Variants in DLG2 observed in about 807,000 individuals in gnomAD.
DLG2 encodes discs large MAGUK scaffold protein 2.
DLG2 carries 45 observed loss-of-function variants against 132.5 expected under a neutral mutation model. The observed-to-expected ratio is 0.34, with a 90% confidence interval of 0.27 to 0.44. DLG2 has a LOEUF of 0.44. DLG2 is among the 20% of genes least tolerant of loss of function. The probability of loss-of-function intolerance (pLI) is 1.00; values close to 1 mark genes in which losing one functional copy is unlikely to be tolerated. For synonymous variants in DLG2, 424 were observed against 419.6 expected (o/e 1.01, Z -0.13); for missense variants, 1,045 against 1,196.9 (o/e 0.87, Z 1.87).
chr11:85,315,726 G>A (rs974078818), intron 3 of DLG2, among the ~76,000 whole-genome samples: 6 of 151,948 alleles, frequency 3.9e-5, no homozygotes, highest in Admixed American at 3.9e-4. Flanking sequence ...CTATTCTATA[G>A]CTGTCCTATT....
intron 18 of DLG2, among the ~76,000 whole-genome samples, chr11:83,657,819 C>T (rs949938518): frequency 6.6e-6 from 1 of 152,174 alleles, no homozygotes; most frequent in Non-Finnish European, 1.5e-5. Context: ...GGATTACAGG[C>T]GTGAGCCACC....
At position 83,520,542 on chromosome 11, in the gene DLG2, CATAG is replaced by C. The variant is rs1298414288; in HGVS notation, c.2193+12162_2193+12165del. The stretch of plus-strand genomic sequence containing the variant: ...AGGTTCATGGTGCTTACTGCGTTGT[CATAG>C]ATAGAAAGATAGCTAACTAGCTAGG... On this transcript the variant is annotated intron_variant, in intron 21 of 27. Transcript: ENST00000376104. Among the ~76,000 whole-genome samples the C allele has an allele frequency of 3.9e-5, 6 of 152,078 alleles. No individual in the cohort carries two copies. In the East Asian group the frequency reaches 1.2e-3, roughly 29 times the overall value.
rs558597260 is a variant in DLG2, at chr11:84,533,905, C to CAAAAAAAAAA, written c.519+655_519+664dup. On this transcript the variant is annotated intron_variant, in intron 7 of 27. Transcript: ENST00000376104. ...CAAAATCCAGTAGCGCCAGTTCAGCCAAAAAAAAAAAAAAAAAAAAAAAAA... is the reference window on the plus strand; with the variant it reads ...CAAAATCCAGTAGCGCCAGTTCAGCCAAAAAAAAAAAAAAAAAAAAAAAAAAAAAAAAAAA... 1.5e-3 allele frequency among the ~76,000 whole-genome samples: 103 copies of CAAAAAAAAAA among 70,274 alleles called. 4 individuals carry two copies. The highest frequency in any genetic ancestry group is 1.8e-3 in the Non-Finnish European group (67 of 37,686). 46.1% of individuals were successfully genotyped at this position (70,274 alleles called of 152,430 possible). A position where few individuals can be genotyped will look rare whatever the true frequency, so the allele number is the denominator to read the frequency against.
chr11:85,406,015 C>G (rs2088693494), intron 3 of DLG2, among the ~76,000 whole-genome samples: 1 of 151,824 alleles, frequency 6.6e-6, no homozygotes, highest in Non-Finnish European at 1.5e-5. Context: ...CATTTTAAGT[C>G]AACAGTTATC....
At chr11:84,364,496 C>G (rs1374751398) in intron 7 of DLG2, among the ~76,000 whole-genome samples, 1 of 152,106 alleles carries the variant, frequency 6.6e-6, no homozygotes, top group Admixed American at 6.6e-5. Flanking sequence ...ACTGAATACC[C>G]TTTATTTCCT....
At chr11:85,021,260 G>A in intron 6 of DLG2, 1 of 1,299,648 alleles carries the variant, frequency 7.7e-7, no homozygotes, top group Non-Finnish European at 1.1e-6. Flanking sequence ...GGAGGAGGAG[G>A]AGGTACACGT....
At chr11:84,878,110 T>C (rs1460566759) in intron 6 of DLG2, among the ~76,000 whole-genome samples, 1 of 152,126 alleles carries the variant, frequency 6.6e-6, no homozygotes, top group Non-Finnish European at 1.5e-5. Context: ...TTACACTGTT[T>C]GCGGGAGTGC....
At chr11:84,285,976 A>T (rs2097905843) in intron 7 of DLG2, among the ~76,000 whole-genome samples, 1 of 152,142 alleles carries the variant, frequency 6.6e-6, no homozygotes, top group African/African-American at 2.4e-5. Flanking sequence ...CCTATTTCTA[A>T]ATTGAGGTAG....
chr11:83,546,769 AAC>A (rs2141827752), intron 19 of DLG2, among the ~76,000 whole-genome samples: 1 of 152,258 alleles, frequency 6.6e-6, no homozygotes, highest in African/African-American at 2.4e-5. Context: ...ATTTGATGAT[AAC>A]ACTTATAGTG....
intron 3 of DLG2, among the ~76,000 whole-genome samples, chr11:85,335,094 G>T (rs11605986): frequency 2.6e-5 from 4 of 152,276 alleles, no homozygotes; most frequent in African/African-American, 9.6e-5. Context: ...TTGTGAATCA[G>T]AGTGCTCCAG....
At chr11:83,471,780 G>T in intron 23 of DLG2, 53 bp from the exon 24 acceptor site, 2 of 1,431,484 alleles carry the variant, frequency 1.4e-6, no homozygotes, top group Non-Finnish European at 2.0e-6. Context: ...GGAAACAACT[G>T]CAAAACTGTC....
intron 15 of DLG2, among the ~76,000 whole-genome samples, chr11:83,887,901 G>A (rs577836780): frequency 3.3e-5 from 5 of 149,742 alleles, no homozygotes; most frequent in Non-Finnish European, 5.9e-5. Context: ...ATTCAACAAC[G>A]CTTCATGCTA....
chr11:85,394,015 T>C (rs1212198706), intron 3 of DLG2, among the ~76,000 whole-genome samples: 1 of 152,118 alleles, frequency 6.6e-6, no homozygotes, highest in Non-Finnish European at 1.5e-5. Context: ...GAAGAACTTA[T>C]TCATGTAACC....
At chr11:83,507,786 A>G (rs906800443) in intron 21 of DLG2, among the ~76,000 whole-genome samples, 15 of 126,210 alleles carry the variant, frequency 1.2e-4, no homozygotes, top group African/African-American at 4.2e-4. Context: ...ATATATATAT[A>G]TATATATATA....
intron 9 of DLG2, among the ~76,000 whole-genome samples, chr11:84,116,334 C>T (rs865877431): frequency 1.3e-5 from 2 of 152,192 alleles, no homozygotes; most frequent in Admixed American, 6.5e-5. Flanking sequence ...CCTGCTCAAT[C>T]GAAATACTTT....
At position 83,610,360 on chromosome 11, in the gene DLG2, G is replaced by A. The variant is rs948050994; in HGVS notation, c.1940+22851C>T. Reference sequence around the variant, plus strand: ...CAAAGCTAGGTCCATGGTGCTGCACGAATCTGTATCAGTGTGGGAAAAAGG... The same window carrying A: ...CAAAGCTAGGTCCATGGTGCTGCACAAATCTGTATCAGTGTGGGAAAAAGG... On this transcript the variant is annotated intron_variant, in intron 19 of 27. Transcript: ENST00000376104. Among the ~76,000 whole-genome samples, 4 of 152,214 alleles carry A rather than the reference G, an allele frequency of 2.6e-5. No homozygotes were observed. The East Asian group carries it at 5.8e-4, about 22-fold the overall frequency.
intron 3 of DLG2, among the ~76,000 whole-genome samples, chr11:85,583,122 GTGTGTGTGTATATA>G (rs1174830043): frequency 7.5e-4 from 37 of 49,158 alleles, no homozygotes; most frequent in African/African-American, 1.4e-3. Flanking sequence ...GTGTGTGTGT[GTGTGTGTGTATATA>G]TATATATATA....
chr11:84,461,576 T>A (rs1453609884), intron 7 of DLG2, among the ~76,000 whole-genome samples: 1 of 151,072 alleles, frequency 6.6e-6, no homozygotes, highest in South Asian at 2.1e-4. Context: ...TACAAAAATG[T>A]TTTTAAAAAT....
chr11:85,530,250 C>A (rs533257270), intron 3 of DLG2, among the ~76,000 whole-genome samples: 1 of 151,958 alleles, frequency 6.6e-6, no homozygotes, highest in Middle Eastern at 3.2e-3. Flanking sequence ...CCCACCTCAG[C>A]CTCCCAAAGT....
Sources: allele counts gnomAD v4.1 joint callset (sites outside exome capture counted in the v4.1 genomes callset), GRCh38; gene constraint gnomAD v4.1.1; transcripts MANE v1.5; gene names NCBI Gene and HGNC (gene_info 2026-07-23, HGNC 2026-07-21).